The following MYO16 variants were observed in gnomAD, a reference collection of about 807,000 sequenced individuals.
MYO16 encodes the protein unconventional myosin-XVI.
A neutral mutation model predicts 205.3 loss-of-function variants in MYO16; 94 were observed. That is an observed-to-expected ratio of 0.46 (90% CI 0.39 to 0.54). The LOEUF is 0.54. Among genes scored for constraint, MYO16 ranks in the 20% least tolerant of loss-of-function variants. The pLI is 0.00. For missense variants in MYO16, 2,315 were observed against 2,387.5 expected, an observed-to-expected ratio of 0.97 and a Z score of 0.63; for synonymous variants, 988 against 954.0, an observed-to-expected ratio of 1.04 and a Z score of -0.66.
intron 16 of MYO16, among the ~76,000 whole-genome samples, chr13:108,935,390 T>C (rs1882432395): frequency 6.6e-6 from 1 of 152,154 alleles, no homozygotes; most frequent in South Asian, 2.1e-4. Flanking sequence ...TAAAAGGGAT[T>C]GCACTCTTGA....
At chr13:109,018,626 G>A (rs376944024) in intron 22 of MYO16, among the ~76,000 whole-genome samples, 113 of 152,314 alleles carry the variant, frequency 7.4e-4, no homozygotes, top group African/African-American at 2.4e-3. Context: ...TCCGTTGAGC[G>A]AAGCATGGGA....
intron 23 of MYO16, among the ~76,000 whole-genome samples, chr13:109,024,268 C>G (rs1257429310): frequency 6.6e-6 from 1 of 151,506 alleles, no homozygotes; most frequent in Non-Finnish European, 1.5e-5. Flanking sequence ...GAGTATTTTA[C>G]AATTTACAAT....
intron 23 of MYO16, among the ~76,000 whole-genome samples, chr13:109,034,418 A>G (rs911676676): frequency 3.9e-5 from 6 of 151,974 alleles, no homozygotes; most frequent in African/African-American, 9.7e-5. Context: ...TTTTATAAGG[A>G]GCTCTTTCCC....
chr13:108,927,447 T>G (rs149435597), intron 16 of MYO16, among the ~76,000 whole-genome samples: 1 of 152,074 alleles, frequency 6.6e-6, no homozygotes, highest in African/African-American at 2.4e-5. Context: ...CATCCTTGAT[T>G]CTCACATGCC....
At position 109,141,167 on chromosome 13, in the gene MYO16, G is replaced by A. The variant is rs776696728; in HGVS notation, c.4955G>A (p.Ser1652Asn). The A allele has an allele frequency of 1.2e-6, 2 of 1,609,350 alleles. No individual in the cohort carries two copies. Among genetic ancestry groups the A allele is most frequent in the South Asian group, 2.2e-5 (2 of 90,866 alleles). Residue 1652 changes from serine to asparagine, a missense_variant, in exon 32 of 35, where the codon AGC (serine) becomes AAC (asparagine). Around this residue, in one of 3 missense-constraint regions of MYO16, gnomAD observed 1,097 missense variants for 1,092.0 expected, o/e 1.00. Coordinates refer to ENST00000457511, the MANE Select transcript of MYO16 (RefSeq NM_001198950.3). This position sits in a 1 kb window ranked among gnomAD's most constrained non-coding sequence, Gnocchi z 4.1. ...TCTGCCCCCGTGGCCGGGCCCTGCA[G>A]CTCCTTCCCCAAGATCCCATATTCC... ...PNSAPVAGPCSSFPKIPYSPV... is the reference protein window; with the variant it reads ...PNSAPVAGPCNSFPKIPYSPV...
rs1376360600 is a variant in MYO16, at chr13:109,140,640, C to T, written c.4428C>T (p.Gly1476=). The part of the protein sequence containing the change: ...GPGAGSFLLH[G]ASPPLLHRAP... ...GCGCGGGCTCCTTCCTGCTCCACGG[C>T]GCATCGCCGCCCCTGCTCCACCGCG... is the stretch of plus-strand genomic sequence containing the variant. Residue 1476 remains glycine, a synonymous_variant, in exon 32 of 35, where the codon GGC becomes GGT. Transcript: ENST00000457511. This position sits in a 1 kb window ranked among gnomAD's most constrained non-coding sequence, Gnocchi z 8.0. The T allele has an allele frequency of 1.3e-6, 2 of 1,513,562 alleles. No homozygotes were observed. Among genetic ancestry groups the T allele is most frequent in the East Asian group, 2.7e-5 (1 of 36,976 alleles). 93.8% of individuals were successfully genotyped at this position (1,513,562 alleles called of 1,614,324 possible). A position where few individuals can be genotyped will look rare whatever the true frequency, so the allele number is the denominator to read the frequency against.
chr13:109,136,940 G>A (rs1354955791), intron 31 of MYO16, among the ~76,000 whole-genome samples: 2 of 152,224 alleles, frequency 1.3e-5, no homozygotes, highest in Non-Finnish European at 2.9e-5. Context: ...AGACACCAAA[G>A]AAAAGGTTAT....
intron 15 of MYO16, among the ~76,000 whole-genome samples, chr13:108,904,470 A>T (rs1475376435): frequency 1.3e-5 from 2 of 152,140 alleles, no homozygotes; most frequent in African/African-American, 4.8e-5. Flanking sequence ...CTGAATCCCT[A>T]CAAATTTGTA....
intron 31 of MYO16, among the ~76,000 whole-genome samples, chr13:109,133,979 A>G (rs1349059110): frequency 1.3e-5 from 2 of 152,138 alleles, no homozygotes; most frequent in African/African-American, 4.8e-5. Context: ...AGGATAATGC[A>G]CTCTAGTCAT....
At chr13:108,969,282 T>C (rs1390076918) in intron 20 of MYO16, among the ~76,000 whole-genome samples, 1 of 152,232 alleles carries the variant, frequency 6.6e-6, no homozygotes, top group East Asian at 1.9e-4. Flanking sequence ...GAAAAACTAA[T>C]AAAGTTGTTA....
chr13:108,541,952 C>T, the MYO16 span, among the ~76,000 whole-genome samples: 1 of 152,164 alleles, frequency 6.6e-6, no homozygotes, highest in Non-Finnish European at 1.5e-5. Flanking sequence ...TCGGCAATCC[C>T]ACTGCTGGGT....
At position 108,797,325 on chromosome 13, in the gene MYO16, A is replaced by G. The variant is rs190898889; in HGVS notation, c.741+3685A>G. Reference sequence around the variant, plus strand: ...CTAGATGAAAGAAAGAATTTGAGGAACATTAGCATATATGTGATGTTGAAA... The same window carrying G: ...CTAGATGAAAGAAAGAATTTGAGGAGCATTAGCATATATGTGATGTTGAAA... On this transcript the variant is annotated intron_variant, in intron 6 of 34. Coordinates refer to ENST00000457511, the MANE Select transcript of MYO16 (RefSeq NM_001198950.3). Among the ~76,000 whole-genome samples the G allele has an allele frequency of 2.1e-3, 326 of 152,358 alleles. 1 individual carries two copies. The highest frequency in any genetic ancestry group is 3.2e-3 in the Non-Finnish European group (217 of 68,032).
chr13:108,883,986 A>G (rs1879736945), intron 13 of MYO16, among the ~76,000 whole-genome samples: 1 of 152,216 alleles, frequency 6.6e-6, no homozygotes, highest in African/African-American at 2.4e-5. Context: ...ATAGAAAATT[A>G]AAGAAACATT....
chr13:108,994,111 C>A (rs944057276), intron 21 of MYO16, among the ~76,000 whole-genome samples: 2 of 151,972 alleles, frequency 1.3e-5, no homozygotes, highest in African/African-American at 4.8e-5. Flanking sequence ...TTATATAAAT[C>A]CCTTATTAGT....
Position 108,960,927 on chromosome 13 carries a change from C to A in MYO16, c.2038-612C>A, listed in dbSNP as rs1220598276. On this transcript the variant is annotated intron_variant, in intron 17 of 34. Coordinates refer to ENST00000457511, the MANE Select transcript of MYO16 (RefSeq NM_001198950.3). The stretch of plus-strand genomic sequence containing the variant: ...GCTCAAAGATAGCTCTTGCCAACAT[C>A]CATTTTTTTCTGTTTTCCTTAAAAT... Among the ~76,000 whole-genome samples the A allele has an allele frequency of 2.0e-5, 3 of 152,172 alleles. No individual in the cohort carries two copies. The East Asian group carries it at 5.8e-4, about 29-fold the overall frequency.
chr13:108,964,946 AAATAACT>A (rs1272062645), intron 20 of MYO16, 44 bp downstream of exon 20: 1 of 1,590,896 alleles, frequency 6.3e-7, no homozygotes, highest in East Asian at 2.2e-5. Context: ...TTACTGTAAT[AAATAACT>A]TAAAGGCTCA....
At chr13:108,705,177 A>G (rs1401958009) in intron 2 of MYO16, among the ~76,000 whole-genome samples, 1 of 152,108 alleles carries the variant, frequency 6.6e-6, no homozygotes, top group East Asian at 1.9e-4. Context: ...GTGCCATCTC[A>G]CTCCATTCCA....
chr13:108,913,345 A>G lies in MYO16; in HGVS notation c.1925+3195A>G, dbSNP rs552922363. 3.9e-4 allele frequency among the ~76,000 whole-genome samples: 60 copies of G among 152,330 alleles called. No homozygotes were observed. In the South Asian group the frequency reaches 0.012, roughly 31 times the overall value. On this transcript the variant is annotated intron_variant, in intron 16 of 34. Coordinates refer to ENST00000457511, the MANE Select transcript of MYO16 (RefSeq NM_001198950.3). ...CAAGCTGTTTTTCAAGTTATAACAT[A>G]GTATGTATACAGTATTTTTTGTTGT...
chr13:108,519,084 T>C, the MYO16 span, among the ~76,000 whole-genome samples: 1 of 152,124 alleles, frequency 6.6e-6, no homozygotes, highest in Non-Finnish European at 1.5e-5. Flanking sequence ...AAAAAAGAAA[T>C]TGTATTATGT....
Sources: gnomAD v4.1 joint callset for allele counts (sites outside exome capture counted in the v4.1 genomes callset) on GRCh38, gnomAD v4.1.1 for gene constraint, gnomAD v4.1.1 regional missense constraint, Gnocchi (gnomAD v3.1) non-coding constraint, MANE v1.5 for transcripts, NCBI Gene and HGNC (gene_info 2026-07-23, HGNC 2026-07-21) for gene names.